The following TAF10 variants were observed in gnomAD, a reference collection of about 807,000 sequenced individuals.
The protein encoded by TAF10 is TATA-box binding protein associated factor 10.
TAF10 carries 2 observed loss-of-function variants against 18.1 expected under a neutral mutation model. The ratio of observed to expected loss-of-function variants is 0.11; its 90% CI spans 0.05 to 0.35. The LOEUF is 0.35. TAF10 is among the 10% of genes least tolerant of loss of function. The pLI is 1.00. For synonymous variants in TAF10, 158 were observed against 134.6 expected (o/e 1.17, Z -1.20); for missense variants, 293 against 306.9 (o/e 0.95, Z 0.34).
Position 6,609,892 on chromosome 11 carries a change from CCTAT to C in TAF10, c.*1026_*1029del. 1 of 1,614,190 alleles carries C rather than the reference CCTAT, an allele frequency of 6.2e-7. No individual in the cohort carries two copies. On this transcript the variant is annotated 3_prime_UTR_variant, in exon 5 of 5. Transcript: ENST00000299424. Reference sequence around the variant, plus strand: ...TGGCCCAGGCCCCAAAAGCCCTTTGCCTATCTATGACTTACCTCCTTCTATCTGT... The same window carrying C: ...TGGCCCAGGCCCCAAAAGCCCTTTGCCTATGACTTACCTCCTTCTATCTGT...
chr11:6,611,161 T>C (rs1300888233), intron 4 of TAF10, 28 bp downstream of exon 4: 1 of 1,607,876 alleles, frequency 6.2e-7, no homozygotes, highest in Admixed American at 1.7e-5. Flanking sequence ...GGAAGGTAAT[T>C]ACTGATTCAT....
rs912510389 is a variant in TAF10, at chr11:6,609,825, C to A, written c.*1097G>T. The stretch of plus-strand genomic sequence containing the variant: ...AGAGCCCCTCATCCCACGACATGCA[C>A]TCAATAGCCGTAGTGTAATGGTGAG... On this transcript the variant is annotated 3_prime_UTR_variant, in exon 5 of 5. Coordinates refer to ENST00000299424, the MANE Select transcript of TAF10 (RefSeq NM_006284.4). 3.1e-6 allele frequency: 5 copies of A among 1,614,230 alleles called. No homozygotes were observed. Among genetic ancestry groups the A allele is most frequent in the Middle Eastern group, 1.6e-4 (1 of 6,062 alleles).
In TAF10 at chr11:6,610,205, C is replaced by T. The variant is rs1343648430; in HGVS notation, c.*717G>A. 11 of 1,614,108 alleles carry T rather than the reference C, an allele frequency of 6.8e-6. No individual in the cohort carries two copies. The highest frequency in any genetic ancestry group is 1.7e-5 in the Admixed American group (1 of 60,008). On this transcript the variant is annotated 3_prime_UTR_variant, in exon 5 of 5. Coordinates refer to ENST00000299424, the MANE Select transcript of TAF10 (RefSeq NM_006284.4). ...CGCTCAGCAGACATGTGGAGTTTTG[C>T]AGTGCTTCTGTGGGAACTGGTGACA...
rs1454962994 is a variant in TAF10, at chr11:6,610,194, G to A, written c.*728C>T. 2 of 1,614,238 alleles carry A rather than the reference G, an allele frequency of 1.2e-6. No individual in the cohort carries two copies. Among genetic ancestry groups the A allele is most frequent in the Non-Finnish European group, 1.7e-6 (2 of 1,180,040 alleles). On this transcript the variant is annotated 3_prime_UTR_variant, in exon 5 of 5. Coordinates refer to ENST00000299424, the MANE Select transcript of TAF10 (RefSeq NM_006284.4). Reference sequence around the variant, plus strand: ...ACACAAACAGACGCTCAGCAGACATGTGGAGTTTTGCAGTGCTTCTGTGGG... The same window carrying A: ...ACACAAACAGACGCTCAGCAGACATATGGAGTTTTGCAGTGCTTCTGTGGG...
At position 6,608,127 on chromosome 11, in the gene TAF10, G is replaced by T; in HGVS notation, c.*2795C>A. ...TGGTTGAGATGTTGATCATGCGGGGGGCACGGATCAATGTAATGAACCGTG... is the reference window on the plus strand; with the variant it reads ...TGGTTGAGATGTTGATCATGCGGGGTGCACGGATCAATGTAATGAACCGTG... On this transcript the variant is annotated 3_prime_UTR_variant, in exon 5 of 5. Coordinates refer to ENST00000299424, the MANE Select transcript of TAF10 (RefSeq NM_006284.4). The surrounding 1 kb of genome is among the most constrained non-coding windows in gnomAD (Gnocchi z 4.9). 1 of 1,614,106 alleles carries T rather than the reference G, an allele frequency of 6.2e-7. No individual in the cohort carries two copies. The highest frequency in any genetic ancestry group is 8.5e-7 in the Non-Finnish European group (1 of 1,179,972).
Position 6,610,395 on chromosome 11 carries a change from G to A in TAF10, c.*527C>T, listed in dbSNP as rs546661999. Reference sequence around the variant, plus strand: ...CGGATATACAGTAATCCTGTCCCAAGGGCCAGTGGCTTCTCTCTACATGAC... The same window carrying A: ...CGGATATACAGTAATCCTGTCCCAAAGGCCAGTGGCTTCTCTCTACATGAC... On this transcript the variant is annotated 3_prime_UTR_variant, in exon 5 of 5. Coordinates refer to ENST00000299424, the MANE Select transcript of TAF10 (RefSeq NM_006284.4). The A allele has an allele frequency of 6.2e-7, 1 of 1,613,424 alleles. No homozygotes were observed. The highest frequency in any genetic ancestry group is 1.1e-5 in the South Asian group (1 of 90,968).
chr11:6,607,211 C>T lies in TAF10; in HGVS notation c.*3711G>A, dbSNP rs1004007208. Reference sequence around the variant, plus strand: ...TGGAGGGAATTTCCTTTTATGGCCCCAGGCTGTCAGGCAGGCCCAGCTCCA... The same window carrying T: ...TGGAGGGAATTTCCTTTTATGGCCCTAGGCTGTCAGGCAGGCCCAGCTCCA... On this transcript the variant is annotated 3_prime_UTR_variant, in exon 5 of 5. Coordinates refer to ENST00000299424, the MANE Select transcript of TAF10 (RefSeq NM_006284.4). The T allele has an allele frequency of 1.3e-5, 2 of 152,288 alleles. No homozygotes were observed. The highest frequency in any genetic ancestry group is 4.8e-5 in the African/African-American group (2 of 41,432). 9.4% of individuals were successfully genotyped at this position (152,288 alleles called of 1,614,324 possible).
In TAF10 at chr11:6,609,710, T is replaced by C; in HGVS notation, c.*1212A>G. ...GGAGCCTCTCTGAACTATTTGACTT[T>C]TGCCTCCTCTCAGATTTCGTCGTGG... On this transcript the variant is annotated 3_prime_UTR_variant, in exon 5 of 5. Coordinates refer to ENST00000299424, the MANE Select transcript of TAF10 (RefSeq NM_006284.4). 6.2e-7 allele frequency: 1 copy of C among 1,614,188 alleles called. No individual in the cohort carries two copies. The highest frequency in any genetic ancestry group is 8.5e-7 in the Non-Finnish European group (1 of 1,180,030).
rs1189757198 is a variant in TAF10, at chr11:6,612,013, C to T, written c.177G>A (p.Gly59=). ...CCCGCGCCGCCAAGGGTCCCGTGCC[C>T]CCAGCAGCTGCTCCAGCCCCAGGTC... The part of the protein sequence containing the change: ...AGGPGAGAAA[G]GTGPLAARAG... The change falls in exon 1 of 5, where the codon GGG becomes GGA. Residue 59 remains glycine, a synonymous_variant. Coordinates refer to ENST00000299424, the MANE Select transcript of TAF10 (RefSeq NM_006284.4). 3 of 1,539,390 alleles carry T rather than the reference C, an allele frequency of 1.9e-6. No homozygotes were observed. The highest frequency in any genetic ancestry group is 2.5e-5 in the East Asian group (1 of 40,790).
rs746935940 is a variant in TAF10 at position 6,608,723 on chromosome 11, C to T, written c.*2199G>A. Reference sequence around the variant, plus strand: ...TGGTGGCAAATGGGGCCCTTGTCAGCATCTGTAACAAGTATGGAGAGATGC... The same window carrying T: ...TGGTGGCAAATGGGGCCCTTGTCAGTATCTGTAACAAGTATGGAGAGATGC... On this transcript the variant is annotated 3_prime_UTR_variant, in exon 5 of 5. Transcript: ENST00000299424. This position sits in a 1 kb window ranked among gnomAD's most constrained non-coding sequence, Gnocchi z 4.9. The T allele has an allele frequency of 6.2e-7, 1 of 1,614,056 alleles. No homozygotes were observed. Among genetic ancestry groups the T allele is most frequent in the South Asian group, 1.1e-5 (1 of 91,082 alleles).
Position 6,608,229 on chromosome 11 carries a change from C to T in TAF10, c.*2693G>A, listed in dbSNP as rs754503849. Reference sequence around the variant, plus strand: ...TACAGAAGGTACGTACAAACTCCTTCGTCATCCACATCACATACATGCCAT... The same window carrying T: ...TACAGAAGGTACGTACAAACTCCTTTGTCATCCACATCACATACATGCCAT... On this transcript the variant is annotated 3_prime_UTR_variant, in exon 5 of 5. Coordinates refer to ENST00000299424, the MANE Select transcript of TAF10 (RefSeq NM_006284.4). This position sits in a 1 kb window ranked among gnomAD's most constrained non-coding sequence, Gnocchi z 4.9. The T allele has an allele frequency of 7.4e-6, 12 of 1,613,898 alleles. No homozygotes were observed. Among genetic ancestry groups the T allele is most frequent in the East Asian group, 6.7e-5 (3 of 44,876 alleles).
Position 6,611,726 on chromosome 11 carries a change from G to A in TAF10, c.325C>T (p.Pro109Ser). 2.5e-6 allele frequency: 4 copies of A among 1,612,016 alleles called. No homozygotes were observed. Among genetic ancestry groups the A allele is most frequent in the East Asian group, 2.2e-5 (1 of 44,850 alleles). The stretch of plus-strand genomic sequence containing the variant: ...ACCAAAGGCGTGCTGGACACCACGG[G>A]CTTCACGTCTCCGTTGGCCGCGCTC... ...LPSAANGDVK[P>S]VVSSTPLVDF... The change falls in exon 2 of 5, where the codon CCC becomes TCC. Residue 109 changes from proline (P) to serine (S), a missense_variant. Coordinates refer to ENST00000299424, the MANE Select transcript of TAF10 (RefSeq NM_006284.4).
In TAF10 at chr11:6,609,641, TG is replaced by T; in HGVS notation, c.*1280del. 6.2e-7 allele frequency: 1 copy of T among 1,614,156 alleles called. No individual in the cohort carries two copies. On this transcript the variant is annotated 3_prime_UTR_variant, in exon 5 of 5. Transcript: ENST00000299424. ...ACAATGTACTACATGAAGGCACCAG[TG>T]AGTAGGGATGTTGAATTTCCTTGGG... is the stretch of plus-strand genomic sequence containing the variant.
rs191096877 is a variant in TAF10 at position 6,610,029 on chromosome 11, C to A, written c.*893G>T. 1 of 1,614,154 alleles carries A rather than the reference C, an allele frequency of 6.2e-7. No homozygotes were observed. The highest frequency in any genetic ancestry group is 2.2e-5 in the East Asian group (1 of 44,884). The stretch of plus-strand genomic sequence containing the variant: ...CATGTATGCACCTGCCTGGGTAGCC[C>A]CCGAAGGTGAGTGAAGTCATCATGT... On this transcript the variant is annotated 3_prime_UTR_variant, in exon 5 of 5. Transcript: ENST00000299424.
Position 6,610,810 on chromosome 11 carries a change from T to G in TAF10, c.*112A>C. ...GCTCAGAGCTTTGTCACTTGCCACATGGTGTCTCCCAACATGGGAGGGATC... is the reference window on the plus strand; with the variant it reads ...GCTCAGAGCTTTGTCACTTGCCACAGGGTGTCTCCCAACATGGGAGGGATC... On this transcript the variant is annotated 3_prime_UTR_variant, in exon 5 of 5. Transcript: ENST00000299424. 7.2e-7 allele frequency: 1 copy of G among 1,387,238 alleles called. No homozygotes were observed. Among genetic ancestry groups the G allele is most frequent in the Non-Finnish European group, 1.0e-6 (1 of 984,240 alleles). 85.9% of individuals were successfully genotyped at this position (1,387,238 alleles called of 1,614,324 possible).
chr11:6,609,922 T>A lies in TAF10; in HGVS notation c.*1000A>T. On this transcript the variant is annotated 3_prime_UTR_variant, in exon 5 of 5. Coordinates refer to ENST00000299424, the MANE Select transcript of TAF10 (RefSeq NM_006284.4). ...CTATGACTTACCTCCTTCTATCTGT[T>A]TTCTCTTCCTCAGATTGATGAGGAC... 1.2e-6 allele frequency: 2 copies of A among 1,614,152 alleles called. No individual in the cohort carries two copies. The highest frequency in any genetic ancestry group is 1.7e-6 in the Non-Finnish European group (2 of 1,180,000).
chr11:6,608,404 A>C lies in TAF10; in HGVS notation c.*2518T>G, dbSNP rs1254222245. ...GGCCATGGGGTCCAGCTATTGCAGT[A>C]CAAGGCAGACATCAATGCAGTGAAT... On this transcript the variant is annotated 3_prime_UTR_variant, in exon 5 of 5. Coordinates refer to ENST00000299424, the MANE Select transcript of TAF10 (RefSeq NM_006284.4). The surrounding 1 kb of genome is among the most constrained non-coding windows in gnomAD (Gnocchi z 4.9). 1 of 1,614,078 alleles carries C rather than the reference A, an allele frequency of 6.2e-7. No homozygotes were observed. The highest frequency in any genetic ancestry group is 8.5e-7 in the Non-Finnish European group (1 of 1,179,910).
chr11:6,609,418 G>A lies in TAF10; in HGVS notation c.*1504C>T. The A allele has an allele frequency of 6.2e-7, 1 of 1,613,654 alleles. No homozygotes were observed. Among genetic ancestry groups the A allele is most frequent in the Non-Finnish European group, 8.5e-7 (1 of 1,179,658 alleles). On this transcript the variant is annotated 3_prime_UTR_variant, in exon 5 of 5. Transcript: ENST00000299424. ...AGTGTCCCCGGCTCAGGTAGTGCAA[G>A]GCGTAACCTGGAAGCTGCTAGTTCC...
Position 6,609,789 on chromosome 11 carries a change from C to G in TAF10, c.*1133G>C. 6.2e-7 allele frequency: 1 copy of G among 1,614,114 alleles called. No individual in the cohort carries two copies. Among genetic ancestry groups the G allele is most frequent in the Non-Finnish European group, 8.5e-7 (1 of 1,179,996 alleles). Reference sequence around the variant, plus strand: ...GGACATGGCAAGGGGCATGGCCTTCCTACACACACTAGAGCCCCTCATCCC... The same window carrying G: ...GGACATGGCAAGGGGCATGGCCTTCGTACACACACTAGAGCCCCTCATCCC... On this transcript the variant is annotated 3_prime_UTR_variant, in exon 5 of 5. Coordinates refer to ENST00000299424, the MANE Select transcript of TAF10 (RefSeq NM_006284.4).
Sources: gnomAD v4.1 joint callset for allele counts on GRCh38, gnomAD v4.1.1 for gene constraint, Gnocchi (gnomAD v3.1) non-coding constraint, MANE v1.5 for transcripts, NCBI Gene and HGNC (gene_info 2026-07-23, HGNC 2026-07-21) for gene names.